The following DGKZ variants were observed in gnomAD, a reference collection of about 807,000 sequenced individuals.
The protein encoded by DGKZ is diacylglycerol kinase zeta.
A neutral mutation model predicts 142.5 loss-of-function variants in DGKZ; 45 were observed. The ratio of observed to expected loss-of-function variants is 0.32; its 90% CI spans 0.25 to 0.40. DGKZ has a LOEUF of 0.40. Among genes scored for constraint, DGKZ ranks in the 10% least tolerant of loss-of-function variants. The pLI is 1.00. For synonymous variants in DGKZ, 442 were observed against 527.0 expected (o/e 0.84, Z 2.21); for missense variants, 755 against 1,306.5 (o/e 0.58, Z 6.51).
intron 1 of DGKZ, among the ~76,000 whole-genome samples, chr11:46,335,350 T>C (rs1590365293): frequency 7.0e-6 from 1 of 142,740 alleles, no homozygotes; most frequent in Admixed American, 7.0e-5. Context: ...CAGAGTGGAG[T>C]GGAGACTTAG....
At chr11:46,376,449 TC>T (rs775781193) in intron 23 of DGKZ, 52 bp downstream of exon 23, 1 of 1,613,452 alleles carries the variant, frequency 6.2e-7, no homozygotes, top group Non-Finnish European at 8.5e-7. Flanking sequence ...CCCTAGGGGA[TC>T]CCAGGTAGGG....
chr11:46,373,509 T>A (rs1315750441), intron 14 of DGKZ, among the ~76,000 whole-genome samples: 1 of 151,006 alleles, frequency 6.6e-6, no homozygotes, highest in Non-Finnish European at 1.5e-5. Flanking sequence ...TTTTTGTTTT[T>A]TGTTTTTTGT....
chr11:46,361,800 G>A (rs1437065581), intron 1 of DGKZ: 5 of 497,696 alleles, frequency 1.0e-5, no homozygotes, highest in Non-Finnish European at 7.8e-6. Flanking sequence ...GGGCGGACCC[G>A]GGCCCCACCA....
chr11:46,364,460 G>T, intron 1 of DGKZ: 1 of 1,273,056 alleles, frequency 7.9e-7, no homozygotes, highest in Middle Eastern at 2.2e-4. Context: ...AGCTCCCTCC[G>T]GCCCAGGTGG....
intron 14 of DGKZ, among the ~76,000 whole-genome samples, 191 bp downstream of exon 14, chr11:46,373,292 T>G (rs191843956): frequency 0.024 from 3,356 of 139,792 alleles, 64 homozygotes; most frequent in Non-Finnish European, 0.032. Flanking sequence ...TTTGTTTTTT[T>G]TTTTTTTTTT....
chr11:46,356,861 G>A (rs191143604), intron 1 of DGKZ, among the ~76,000 whole-genome samples: 6 of 152,296 alleles, frequency 3.9e-5, no homozygotes, highest in East Asian at 1.9e-4. Context: ...AGGAGGATTC[G>A]TAGCTTAATA....
exon 16 of DGKZ, chr11:46,374,423 G>A (rs969969137): frequency 6.2e-7 from 1 of 1,613,968 alleles, no homozygotes; most frequent in Non-Finnish European, 8.5e-7. Context: ...AAATTCAACA[G>A]CCGCTTTCGG....
chr11:46,364,961 T>G lies in DGKZ; in HGVS notation c.162-2330T>G, dbSNP rs1403089673. On this transcript the variant is annotated intron_variant, in intron 1 of 30. Transcript: ENST00000527911. ...GACCAGGGCCCAGGAGATCACCTGC[T>G]GTGGGGCACAGGTGGCCTCAGGTAC... is the stretch of plus-strand genomic sequence containing the variant. 4.1e-6 allele frequency: 4 copies of G among 985,344 alleles called. No homozygotes were observed. In the African/African-American group the frequency reaches 7.0e-5, roughly 17 times the overall value. The allele number at this position is 985,344 out of a possible 1,614,324, so 61.0% of individuals were successfully genotyped here.
At chr11:46,365,119 C>A in intron 1 of DGKZ, 1 of 985,350 alleles carries the variant, frequency 1.0e-6, no homozygotes, top group Non-Finnish European at 1.2e-6. Flanking sequence ...GCAGAGGGAG[C>A]AAAGCATGAG....
chr11:46,343,166 A>G (rs1207030397), upstream of DGKZ, among the ~76,000 whole-genome samples: 2 of 152,110 alleles, frequency 1.3e-5, no homozygotes, highest in Non-Finnish European at 2.9e-5. Flanking sequence ...GAAAATAACA[A>G]GATCTACCTC....
At chr11:46,345,034 G>T (rs1940483956), upstream of DGKZ, among the ~76,000 whole-genome samples, 1 of 152,226 alleles carries the variant, frequency 6.6e-6, no homozygotes, top group Non-Finnish European at 1.5e-5. The surrounding 1 kb of genome is among the most constrained non-coding windows in gnomAD (Gnocchi z 4.1). Context: ...GTGCTAGGAA[G>T]AGAGCGCTCT....
At chr11:46,347,048 G>C (rs1048977426), upstream of DGKZ, among the ~76,000 whole-genome samples, 1 of 152,200 alleles carries the variant, frequency 6.6e-6, no homozygotes, top group African/African-American at 2.4e-5. This position sits in a 1 kb window ranked among gnomAD's most constrained non-coding sequence, Gnocchi z 6.4. Flanking sequence ...GTGCGATTTG[G>C]GGGAGCCAAG....
At chr11:46,370,066 C>T in intron 6 of DGKZ, 57 bp downstream of exon 6, 1 of 1,604,644 alleles carries the variant, frequency 6.2e-7, no homozygotes, top group South Asian at 1.1e-5. Flanking sequence ...GAGCCCAGGC[C>T]ATGTGGCCGG....
At chr11:46,363,341 A>AT (rs1039502330) in intron 1 of DGKZ, among the ~76,000 whole-genome samples, 39 of 152,252 alleles carry the variant, frequency 2.6e-4, no homozygotes, top group Admixed American at 9.1e-4. Flanking sequence ...CCTGTGACAA[A>AT]TTGTCAGCTC....
intron 1 of DGKZ, chr11:46,364,780 C>T (rs1002112989): frequency 9.1e-6 from 9 of 985,346 alleles, no homozygotes; most frequent in African/African-American, 3.5e-5. Flanking sequence ...GCCCAACATG[C>T]GTCCAGGGCA....
chr11:46,352,998 A>T (rs1941595374), intron 1 of DGKZ, among the ~76,000 whole-genome samples: 1 of 152,212 alleles, frequency 6.6e-6, no homozygotes, highest in South Asian at 2.1e-4. Flanking sequence ...AGACGTGGTT[A>T]GGTCGGGAAA....
intron 1 of DGKZ, among the ~76,000 whole-genome samples, chr11:46,350,711 T>C (rs914632397): frequency 6.6e-6 from 1 of 152,162 alleles, no homozygotes; most frequent in Non-Finnish European, 1.5e-5. Context: ...GGCCACATGT[T>C]TGCCATCCTG....
At chr11:46,378,541 C>G in intron 27 of DGKZ, 41 bp downstream of exon 27, 1 of 1,612,856 alleles carries the variant, frequency 6.2e-7, no homozygotes, top group Non-Finnish European at 8.5e-7. Flanking sequence ...CAGCAGCTCC[C>G]TCGGGCCCTG....
chr11:46,333,173 C>A (rs1448370702), exon 1 of DGKZ: 2 of 1,060,850 alleles, frequency 1.9e-6, no homozygotes, highest in Admixed American at 4.4e-5. Flanking sequence ...CCGGCGCTCC[C>A]CTCCCTCCCC....
Sources: gnomAD v4.1 joint callset for allele counts (sites outside exome capture counted in the v4.1 genomes callset) on GRCh38, gnomAD v4.1.1 for gene constraint, Gnocchi (gnomAD v3.1) non-coding constraint, MANE v1.5 for transcripts, NCBI Gene and HGNC (gene_info 2026-07-23, HGNC 2026-07-21) for gene names.